The following ODAD1 variants were observed in gnomAD, a reference collection of about 807,000 sequenced individuals.
ODAD1 encodes outer dynein arm docking complex subunit 1.
In ODAD1, 49 loss-of-function variants were observed where a neutral mutation model predicts 67.2. That is an observed-to-expected ratio of 0.73 (90% confidence interval 0.58 to 0.92). ODAD1 has a LOEUF of 0.92. ODAD1 is among the 40% of genes least tolerant of loss of function. ODAD1 has a pLI of 0.00. For synonymous variants in ODAD1, 345 were observed against 393.7 expected (o/e 0.88, Z 1.46); for missense variants, 897 against 953.7 (o/e 0.94, Z 0.78).
At chr19:48,309,079 C>A (rs1263989729) in intron 7 of ODAD1, among the ~76,000 whole-genome samples, 1 of 152,188 alleles carries the variant, frequency 6.6e-6, no homozygotes, top group African/African-American at 2.4e-5. Context: ...GAAAGCACCA[C>A]CGCACCCCCC....
chr19:48,308,449 T>C (rs1968674750), intron 7 of ODAD1, among the ~76,000 whole-genome samples: 1 of 152,192 alleles, frequency 6.6e-6, no homozygotes, highest in African/African-American at 2.4e-5. Flanking sequence ...GTGCTGGAAT[T>C]ACAGGCATGA....
chr19:48,309,788 C>G (rs1968709966), intron 7 of ODAD1, among the ~76,000 whole-genome samples: 1 of 152,216 alleles, frequency 6.6e-6, no homozygotes. Flanking sequence ...AAGGAAAACT[C>G]TTCCTGGCTA....
At chr19:48,302,573 T>A (rs1212615764) in intron 12 of ODAD1, 121 bp downstream of exon 12, 1 of 735,044 alleles carries the variant, frequency 1.4e-6, no homozygotes, top group African/African-American at 1.8e-5. Context: ...TGGACAGATA[T>A]GGGGCAACTG....
chr19:48,303,702 G>C lies in ODAD1; in HGVS notation c.936C>G (p.Ser312=). 2.5e-6 allele frequency: 4 copies of C among 1,614,128 alleles called. No homozygotes were observed. Among genetic ancestry groups the C allele is most frequent in the Non-Finnish European group, 3.4e-6 (4 of 1,180,004 alleles). ...CAGGGTCACTCTCCCCCATCAGCTG[G>C]GACAGTTTATTCAGGGCGTCCTCGT... ...LCYEDALNKL[S]QLMGESDPDL... The change falls in exon 10 of 16, where the codon TCC becomes TCG. Residue 312 remains serine, a synonymous_variant. Transcript: ENST00000674294.
intron 7 of ODAD1, among the ~76,000 whole-genome samples, chr19:48,311,125 T>C (rs1208444704): frequency 6.6e-6 from 1 of 152,072 alleles, no homozygotes; most frequent in Admixed American, 6.6e-5. Flanking sequence ...TACAGGAGAA[T>C]TGCTTGAATC....
chr19:48,309,166 G>A (rs1348012303), intron 7 of ODAD1, among the ~76,000 whole-genome samples: 1 of 152,040 alleles, frequency 6.6e-6, no homozygotes, highest in African/African-American at 2.4e-5. Flanking sequence ...CACCCACTCT[G>A]ATCTCAGAGA....
At chr19:48,308,945 G>A (rs962718117) in intron 7 of ODAD1, among the ~76,000 whole-genome samples, 5 of 152,048 alleles carry the variant, frequency 3.3e-5, no homozygotes, top group Admixed American at 6.6e-5. Flanking sequence ...GGGGACAAGC[G>A]AGGGTCCTGC....
chr19:48,297,264 G>A lies in ODAD1; in HGVS notation c.1836C>T (p.His612=), dbSNP rs1968316809. 1 of 1,613,988 alleles carries A rather than the reference G, an allele frequency of 6.2e-7. No homozygotes were observed. The highest frequency in any genetic ancestry group is 1.7e-5 in the Admixed American group (1 of 60,006). ...CAGTGTTGGGGTCACCGTGCGTGAT[G>A]TGGCTGGGCAAATGCCCAGTGCTGG... ...LSSSTGHLPS[H]ITHGDPNTGH... is the part of the protein sequence containing the mutation. The change falls in exon 16 of 16, where the codon CAC becomes CAT. Residue 612 remains histidine (H), a synonymous_variant. Transcript: ENST00000674294.
At chr19:48,298,144 G>A (rs201233397) in intron 13 of ODAD1, 33 bp downstream of exon 13, 52 of 1,611,856 alleles carry the variant, frequency 3.2e-5, no homozygotes, top group Middle Eastern at 1.6e-4. Flanking sequence ...CCCCGAGACC[G>A]GCCTCCTGTC....
Position 48,297,152 on chromosome 19 carries a change from T to C in ODAD1, c.1948A>G (p.Thr650Ala). The C allele has an allele frequency of 6.2e-7, 1 of 1,614,096 alleles. No homozygotes were observed. Among genetic ancestry groups the C allele is most frequent in the Non-Finnish European group, 8.5e-7 (1 of 1,180,004 alleles). The change falls in exon 16 of 16, where the codon ACT becomes GCT. Residue 650 changes from threonine to alanine, a missense_variant. Transcript: ENST00000674294. ...PVSASSYLGS[T>A]GYVGSSRGGE... ...CCCCTGCTGGACCCCACGTATCCAG[T>C]GGAGCCCAGGTAGCTGCTGGCGCTG...
chr19:48,315,880 T>C (rs921294433), intron 5 of ODAD1, among the ~76,000 whole-genome samples: 1 of 152,200 alleles, frequency 6.6e-6, no homozygotes, highest in Non-Finnish European at 1.5e-5. Context: ...TTCCATTCCA[T>C]GTATAGACCA....
In ODAD1 at chr19:48,304,000, T is replaced by C. The variant is rs2147317437; in HGVS notation, c.806A>G (p.Asn269Ser). 2 of 1,614,196 alleles carry C rather than the reference T, an allele frequency of 1.2e-6. No individual in the cohort carries two copies. Among genetic ancestry groups the C allele is most frequent in the Non-Finnish European group, 1.7e-6 (2 of 1,180,016 alleles). ...QLHHFLKLKN[N>S]DRQPDPDVLE... ...GACATCGGGATCCGGCTGCCGGTCGTTGTTCTTGAGCTTGAGGAAGTGGTG... is the reference window on the plus strand; with the variant it reads ...GACATCGGGATCCGGCTGCCGGTCGCTGTTCTTGAGCTTGAGGAAGTGGTG... Residue 269 changes from asparagine to serine, a missense_variant, in exon 9 of 16, where the codon AAC becomes AGC. By Grantham distance (46) the Asn-to-Ser change is conservative. Transcript: ENST00000674294.
chr19:48,304,574 G>A (rs916491757), intron 8 of ODAD1, among the ~76,000 whole-genome samples: 4 of 150,984 alleles, frequency 2.6e-5, no homozygotes, highest in African/African-American at 7.3e-5. Flanking sequence ...AGCTGAGATC[G>A]CACCACTGCA....
At chr19:48,299,843 G>C (rs1968412213) in intron 12 of ODAD1, among the ~76,000 whole-genome samples, 1 of 150,348 alleles carries the variant, frequency 6.7e-6, no homozygotes, top group South Asian at 2.1e-4. Flanking sequence ...AGGATGCACA[G>C]GTGGATGCAA....
chr19:48,310,268 CA>C (rs765216610), intron 7 of ODAD1, among the ~76,000 whole-genome samples: 3 of 151,886 alleles, frequency 2.0e-5, no homozygotes, highest in Non-Finnish European at 4.4e-5. Context: ...AAACCCATGT[CA>C]GGGGACATCG....
chr19:48,314,636 A>G (rs249370), intron 5 of ODAD1, among the ~76,000 whole-genome samples: 27,165 of 152,076 alleles, frequency 0.18, 2,540 homozygotes, highest in Middle Eastern at 0.23. Flanking sequence ...AGTTGCTGCA[A>G]TAAAAGCCAA....
chr19:48,302,574 G>A (rs1968494051), intron 12 of ODAD1, 120 bp downstream of exon 12: 2 of 742,060 alleles, frequency 2.7e-6, no homozygotes, highest in African/African-American at 3.5e-5. Context: ...GGACAGATAT[G>A]GGGCAACTGA....
intron 5 of ODAD1, 96 bp downstream of exon 5, chr19:48,318,291 C>A: frequency 9.0e-7 from 1 of 1,109,470 alleles, no homozygotes; most frequent in South Asian, 1.5e-5. Flanking sequence ...TGTGCCCGGC[C>A]TAATAGCCCC....
rs138997866 is a variant in ODAD1, at chr19:48,303,687, C to G, written c.951G>C (p.Glu317Asp). ...TCTGCACCAACAGGTCAGGGTCACT[C>G]TCCCCCATCAGCTGGGACAGTTTAT... ...ALNKLSQLMGESDPDLLVQKY... is the reference protein window; with the variant it reads ...ALNKLSQLMGDSDPDLLVQKY... The change falls in exon 10 of 16, where the codon GAG (glutamate) becomes GAC (aspartate). Residue 317 changes from glutamate (E) to aspartate (D), a missense_variant. Glu to Asp is a conservative substitution (Grantham distance 45, BLOSUM62 2). Transcript: ENST00000674294. 1.2e-6 allele frequency: 2 copies of G among 1,614,062 alleles called. 1 individual carries two copies. Among genetic ancestry groups the G allele is most frequent in the South Asian group, 2.2e-5 (2 of 91,094 alleles).
Sources: allele counts gnomAD v4.1 joint callset (sites outside exome capture counted in the v4.1 genomes callset), GRCh38; gene constraint gnomAD v4.1.1; transcripts MANE v1.5; gene names NCBI Gene and HGNC (gene_info 2026-07-23, HGNC 2026-07-21).